The following RPL39 variants were observed in gnomAD, a reference collection of about 807,000 sequenced individuals.
RPL39 encodes ribosomal protein L39.
For missense variants in RPL39, 6 were observed against 37.2 expected (o/e 0.16, Z 2.18); for synonymous variants, 8 against 11.4 (o/e 0.70, Z 0.60).
rs201483803 is a variant in RPL39, at chrX:119,791,628, G to A, written c.-52C>T. On this transcript the variant is annotated 5_prime_UTR_variant, in exon 1 of 3. Transcript: ENST00000361575. ...CACGATGGCGGAGAAAGGAAGAGGA[G>A]GGAAGCTGGCGGAAGAACGAGCTTA... The A allele has an allele frequency of 1.3e-5, 15 of 1,134,664 alleles. No individual in the cohort carries two copies. Among genetic ancestry groups the A allele is most frequent in the African/African-American group, 1.1e-4 (6 of 54,635 alleles). 93.5% of individuals were successfully genotyped at this position (1,134,664 alleles called of 1,213,427 possible).
At chrX:119,791,173 A>G (rs778351841) in intron 1 of RPL39, 2 of 169,752 alleles carry the variant, frequency 1.2e-5, no homozygotes, top group Non-Finnish European at 2.4e-5. Context: ...GTAGCCCACA[A>G]TACCCTCCTG....
chrX:119,790,938 T>C (rs1359510943), intron 1 of RPL39: 1 of 112,440 alleles, frequency 8.9e-6, no homozygotes, highest in Non-Finnish European at 1.9e-5. Context: ...CGCCTCCATA[T>C]CTAGAAATCA....
intron 1 of RPL39, 194 bp from the exon 2 acceptor site, chrX:119,790,205 T>A (rs775788494): frequency 9.2e-5 from 34 of 368,018 alleles, no homozygotes; most frequent in South Asian, 8.4e-4. Context: ...ACAGTTTCCA[T>A]CGTTCAGATA....
At chrX:119,790,173 A>G (rs909167498) in intron 1 of RPL39, 162 bp from the exon 2 acceptor site, 8 of 388,261 alleles carry the variant, frequency 2.1e-5, no homozygotes, top group African/African-American at 1.5e-4. Flanking sequence ...TGACCCTCAC[A>G]ACTTCTCTGG....
chrX:119,786,603 G>T lies in RPL39; in HGVS notation c.*81C>A, dbSNP rs1331553092. The T allele has an allele frequency of 6.8e-6, 5 of 731,432 alleles. No homozygotes were observed. The South Asian group carries it at 1.0e-4, about 15-fold the overall frequency. The allele number at this position is 731,432 out of a possible 1,213,427, so 60.3% of individuals were successfully genotyped here. On this transcript the variant is annotated 3_prime_UTR_variant, in exon 3 of 3. Coordinates refer to ENST00000361575, the MANE Select transcript of RPL39 (RefSeq NM_001000.4). ...AACACGTCGAAATCTCCAGATAGTG[G>T]TGACATTTTCAGCTTGATATGGTAA...
chrX:119,789,531 C>T (rs1008035070), intron 2 of RPL39, among the ~76,000 whole-genome samples: 7 of 111,278 alleles, frequency 6.3e-5, no homozygotes, highest in Non-Finnish European at 1.1e-4. Context: ...CACTCCAGCC[C>T]GGGTAACAGA....
chrX:119,786,565 A>G lies in RPL39; in HGVS notation c.*119T>C. 3.5e-6 allele frequency: 2 copies of G among 563,540 alleles called. No homozygotes were observed. Among genetic ancestry groups the G allele is most frequent in the East Asian group, 6.7e-5 (2 of 29,872 alleles). 46.4% of individuals were successfully genotyped at this position (563,540 alleles called of 1,213,427 possible). Reference sequence around the variant, plus strand: ...CAGCCAACCAACGTGTTCATAACAGATTCAGAGAGGAAAACACGTCGAAAT... The same window carrying G: ...CAGCCAACCAACGTGTTCATAACAGGTTCAGAGAGGAAAACACGTCGAAAT... On this transcript the variant is annotated 3_prime_UTR_variant, in exon 3 of 3. Coordinates refer to ENST00000361575, the MANE Select transcript of RPL39 (RefSeq NM_001000.4).
chrX:119,790,019 GA>G lies in RPL39; in HGVS notation c.4-9del. ...GAAAGTCTTGTGAGAAGACTGGGAA[GA>G]AAATGCAATCAATTTAGACAATATT... is the stretch of plus-strand genomic sequence containing the variant. On this transcript the variant is annotated splice_polypyrimidine_tract_variant and intron_variant, in intron 1 of 2. Coordinates refer to ENST00000361575, the MANE Select transcript of RPL39 (RefSeq NM_001000.4). 9.6e-7 allele frequency: 1 copy of G among 1,045,669 alleles called. No homozygotes were observed. The highest frequency in any genetic ancestry group is 1.3e-6 in the Non-Finnish European group (1 of 749,875). The allele number at this position is 1,045,669 out of a possible 1,213,427, so 86.2% of individuals were successfully genotyped here. A position where few individuals can be genotyped will look rare whatever the true frequency, so the allele number is the denominator to read the frequency against.
rs200332424 is a variant in RPL39 at position 119,791,587 on chromosome X, G to A, written c.-11C>T. Reference sequence around the variant, plus strand: ...CGATGGACTTACCATGGCGAGCAGCGGAGTCAAGAACACACCACGATGGCG... The same window carrying A: ...CGATGGACTTACCATGGCGAGCAGCAGAGTCAAGAACACACCACGATGGCG... On this transcript the variant is annotated 5_prime_UTR_variant, in exon 1 of 3. Coordinates refer to ENST00000361575, the MANE Select transcript of RPL39 (RefSeq NM_001000.4). 4 of 1,177,071 alleles carry A rather than the reference G, an allele frequency of 3.4e-6. No individual in the cohort carries two copies. Among genetic ancestry groups the A allele is most frequent in the South Asian group, 1.9e-5 (1 of 51,748 alleles).
intron 2 of RPL39, among the ~76,000 whole-genome samples, chrX:119,788,439 G>A (rs766532614): frequency 3.6e-5 from 4 of 109,731 alleles, no homozygotes; most frequent in Non-Finnish European, 5.7e-5. Context: ...GGCTGAGCAA[G>A]AGAATCGCTT....
Position 119,786,505 on chromosome X carries a change from T to G in RPL39, c.*179A>C. On this transcript the variant is annotated 3_prime_UTR_variant, in exon 3 of 3. Coordinates refer to ENST00000361575, the MANE Select transcript of RPL39 (RefSeq NM_001000.4). ...TGACAAACCACAATACAACAGCAATTAAAAAGAAAGGCCTTACATATTTAT... is the reference window on the plus strand; with the variant it reads ...TGACAAACCACAATACAACAGCAATGAAAAAGAAAGGCCTTACATATTTAT... 1 of 414,041 alleles carries G rather than the reference T, an allele frequency of 2.4e-6. No individual in the cohort carries two copies. The highest frequency in any genetic ancestry group is 4.7e-5 in the South Asian group (1 of 21,061). The allele number at this position is 414,041 out of a possible 1,213,427, so 34.1% of individuals were successfully genotyped here. A position where few individuals can be genotyped will look rare whatever the true frequency, so the allele number is the denominator to read the frequency against.
Position 119,791,557 on chromosome X carries a change from G to A in RPL39, c.3+17C>T, listed in dbSNP as rs1293361320. On this transcript the variant is annotated intron_variant, in intron 1 of 2. Transcript: ENST00000361575. ...TTGGGAAGCCACCCCGGGGCCGATG[G>A]GGGCCGATGGACTTACCATGGCGAG... 8 of 1,163,846 alleles carry A rather than the reference G, an allele frequency of 6.9e-6. No homozygotes were observed. Among genetic ancestry groups the A allele is most frequent in the Non-Finnish European group, 9.2e-6 (8 of 870,085 alleles).
intron 2 of RPL39, among the ~76,000 whole-genome samples, chrX:119,789,498 A>G (rs1317683693): frequency 8.9e-6 from 1 of 112,451 alleles, no homozygotes; most frequent in East Asian, 2.8e-4. Flanking sequence ...CAGAGGTTGC[A>G]GTGAGCCGAG....
chrX:119,786,853 G>T, intron 2 of RPL39, 121 bp from the exon 3 acceptor site: 1 of 524,174 alleles, frequency 1.9e-6, no homozygotes, highest in Non-Finnish European at 3.2e-6. Context: ...CCTCTAACAA[G>T]TTTGGAGTTC....
chrX:119,789,983 C>T lies in RPL39; in HGVS notation c.32G>A (p.Arg11Gln), dbSNP rs774074221. MSSHKTFRIKRFLAKKQKQNR... is the reference protein window; with the variant it reads MSSHKTFRIKQFLAKKQKQNR... Reference sequence around the variant, plus strand: ...TTGCTTTTGTTTCTTGGCCAGGAATCGCTTAATCCTGAAAGTCTTGTGAGA... The same window carrying T: ...TTGCTTTTGTTTCTTGGCCAGGAATTGCTTAATCCTGAAAGTCTTGTGAGA... Residue 11 changes from arginine to glutamine, a missense_variant, in exon 2 of 3, where the codon CGA (arginine) becomes CAA (glutamine). Coordinates refer to ENST00000361575, the MANE Select transcript of RPL39 (RefSeq NM_001000.4). The T allele has an allele frequency of 2.0e-5, 23 of 1,171,232 alleles. No homozygotes were observed. Among genetic ancestry groups the T allele is most frequent in the African/African-American group, 7.1e-5 (4 of 56,398 alleles).
At chrX:119,791,550 G>A in intron 1 of RPL39, 24 bp downstream of exon 1, 1 of 1,152,667 alleles carries the variant, frequency 8.7e-7, no homozygotes, top group Non-Finnish European at 1.2e-6. Flanking sequence ...CCACCCCGGG[G>A]CCGATGGGGG....
chrX:119,790,775 T>C (rs981933502), intron 1 of RPL39: 7 of 111,399 alleles, frequency 6.3e-5, no homozygotes, highest in Non-Finnish European at 1.1e-4. Context: ...GCAGGTTTAA[T>C]GCCTGGCCAA....
In RPL39 at chrX:119,786,746, A is replaced by T; in HGVS notation, c.108-14T>A. 1 of 1,194,833 alleles carries T rather than the reference A, an allele frequency of 8.4e-7. No homozygotes were observed. Among genetic ancestry groups the T allele is most frequent in the East Asian group, 3.0e-5 (1 of 33,768 alleles). On this transcript the variant is annotated splice_polypyrimidine_tract_variant and intron_variant, in intron 2 of 2. Transcript: ENST00000361575. ...TTGGAGTTGTACCTACACAGAAAAAAATGTCAAGTTACAAAGGCAGTCTGA... is the reference window on the plus strand; with the variant it reads ...TTGGAGTTGTACCTACACAGAAAAATATGTCAAGTTACAAAGGCAGTCTGA...
intron 1 of RPL39, chrX:119,790,731 A>G (rs908067099): frequency 9.0e-6 from 1 of 111,358 alleles, no homozygotes; most frequent in Non-Finnish European, 1.9e-5. Flanking sequence ...ACTCCCCCAA[A>G]TCTACAGAAT....
Sources: allele counts gnomAD v4.1 joint callset (sites outside exome capture counted in the v4.1 genomes callset), GRCh38; gene constraint gnomAD v4.1.1; transcripts MANE v1.5; gene names NCBI Gene and HGNC (gene_info 2026-07-23, HGNC 2026-07-21).